ESR1: variants seen among roughly 807,000 people sequenced by gnomAD.
ESR1 encodes the protein estrogen receptor 1, also known as estrogen receptor.
A neutral mutation model predicts 52.7 loss-of-function variants in ESR1; 12 were observed. The observed-to-expected ratio is 0.23, with a 90% CI of 0.15 to 0.37. The LOEUF (loss-of-function observed/expected upper bound fraction) is 0.37, where lower values mean the gene tolerates loss of function less well. Among genes scored for constraint, ESR1 ranks in the 10% least tolerant of loss-of-function variants. The probability of loss-of-function intolerance (pLI) is 1.00; values close to 1 mark genes in which losing one functional copy is unlikely to be tolerated. For synonymous variants in ESR1, 305 were observed against 316.8 expected, an observed-to-expected ratio of 0.96 and a Z score of 0.39; for missense variants, 584 against 779.7, an observed-to-expected ratio of 0.75 and a Z score of 2.99.
chr6:151,705,157 C>G (rs1780093965), intron 2 of ESR1, among the ~76,000 whole-genome samples: 1 of 152,058 alleles, frequency 6.6e-6, no homozygotes, highest in African/African-American at 2.4e-5. Context: ...CTTAATAGAG[C>G]TGACAGATTA....
At chr6:151,739,849 C>T (rs1016031884) in intron 2 of ESR1, among the ~76,000 whole-genome samples, 5 of 152,144 alleles carry the variant, frequency 3.3e-5, no homozygotes, top group South Asian at 2.1e-4. Flanking sequence ...GCATTCTGGC[C>T]GCAGTCTTCT....
intron 5 of ESR1, among the ~76,000 whole-genome samples, chr6:152,024,432 A>G (rs1267615672): frequency 6.6e-6 from 1 of 151,842 alleles, no homozygotes; most frequent in Non-Finnish European, 1.5e-5. Flanking sequence ...TGATAATTTT[A>G]TTGAAATTAT....
At chr6:151,734,948 T>C (rs909836030) in intron 2 of ESR1, among the ~76,000 whole-genome samples, 1 of 152,104 alleles carries the variant, frequency 6.6e-6, no homozygotes, top group Non-Finnish European at 1.5e-5. Flanking sequence ...TAAAAAAATG[T>C]GAAAACTGAA....
chr6:152,119,693 T>C (rs868411760), intron 6 of ESR1, among the ~76,000 whole-genome samples: 3 of 152,214 alleles, frequency 2.0e-5, no homozygotes, highest in African/African-American at 7.2e-5. Context: ...TCAGCAGCCA[T>C]CAGTGTCCTT....
chr6:152,113,297 C>A (rs909751632), intron 6 of ESR1, among the ~76,000 whole-genome samples: 1 of 152,200 alleles, frequency 6.6e-6, no homozygotes, highest in Non-Finnish European at 1.5e-5. Context: ...AATTCCCTGA[C>A]CTTTGTCAGG....
At chr6:152,093,330 ATCTCTCTC>A (rs34340611) in intron 6 of ESR1, among the ~76,000 whole-genome samples, 2 of 125,890 alleles carry the variant, frequency 1.6e-5, no homozygotes, top group Non-Finnish European at 3.4e-5. Flanking sequence ...TACTACCTGG[ATCTCTCTC>A]TCTCTCTCTC....
chr6:151,795,011 T>C (rs1776552908), intron 2 of ESR1, among the ~76,000 whole-genome samples: 1 of 152,162 alleles, frequency 6.6e-6, no homozygotes, highest in Non-Finnish European at 1.5e-5. Flanking sequence ...CCGGGAATTG[T>C]CAACTATGGT....
chr6:151,779,419 G>GA (rs574384955), intron 2 of ESR1, among the ~76,000 whole-genome samples: 21 of 152,042 alleles, frequency 1.4e-4, no homozygotes, highest in Non-Finnish European at 2.4e-4. Flanking sequence ...ACAAACATAT[G>GA]AAAAAAACCT....
At chr6:152,045,207 G>A (rs1324523881) in intron 5 of ESR1, among the ~76,000 whole-genome samples, 3 of 152,176 alleles carry the variant, frequency 2.0e-5, no homozygotes, top group Non-Finnish European at 2.9e-5. Context: ...CAGGGGCATG[G>A]GAAGAAGATG....
At chr6:151,878,851 G>A (rs1387940929) in intron 2 of ESR1, among the ~76,000 whole-genome samples, 4 of 152,120 alleles carry the variant, frequency 2.6e-5, no homozygotes, top group African/African-American at 9.7e-5. Context: ...TTAATATTCT[G>A]CTCCCTATAA....
chr6:152,005,043 C>T (rs1019602596), intron 4 of ESR1, among the ~76,000 whole-genome samples: 20 of 152,030 alleles, frequency 1.3e-4, no homozygotes, highest in East Asian at 5.8e-4. Flanking sequence ...TTTCCCAAGG[C>T]AAGTAGTCAC....
At chr6:151,818,901 C>T (rs1195563533) in intron 1 of ESR1, among the ~76,000 whole-genome samples, 2 of 151,996 alleles carry the variant, frequency 1.3e-5, no homozygotes, top group Non-Finnish European at 2.9e-5. Context: ...CTGGTTCTTC[C>T]TCTGCATAAA....
rs1302537929 is a variant in ESR1, at chr6:152,099,194, T to C, written c.*228T>C. ...TCCAAGGCTAAATCTTTGTAACAGC[T>C]CTCTTTCCCCCTTGCTATGTTACTA... On this transcript the variant is annotated 3_prime_UTR_variant, in exon 8 of 8. Transcript: ENST00000206249. 1 of 582,524 alleles carries C rather than the reference T, an allele frequency of 1.7e-6. No individual in the cohort carries two copies. Among genetic ancestry groups the C allele is most frequent in the Non-Finnish European group, 3.1e-6 (1 of 321,840 alleles). The allele number at this position is 582,524 out of a possible 1,614,324, so 36.1% of individuals were successfully genotyped here. A position where few individuals can be genotyped will look rare whatever the true frequency, so the allele number is the denominator to read the frequency against.
intron 4 of ESR1, among the ~76,000 whole-genome samples, chr6:151,949,801 T>C (rs183082623): frequency 4.0e-4 from 61 of 152,382 alleles, no homozygotes; most frequent in Non-Finnish European, 8.1e-4. Flanking sequence ...TCATAGATGC[T>C]TATTGGCCTG....
intron 3 of ESR1, among the ~76,000 whole-genome samples, chr6:151,887,144 G>A (rs1039329565): frequency 4.6e-5 from 7 of 151,508 alleles, no homozygotes; most frequent in Non-Finnish European, 8.8e-5. Context: ...TTGGATTGCC[G>A]AATAATTGTG....
At chr6:151,780,450 A>G (rs894652203) in intron 2 of ESR1, among the ~76,000 whole-genome samples, 11 of 152,174 alleles carry the variant, frequency 7.2e-5, no homozygotes, top group Admixed American at 1.3e-4. Flanking sequence ...TTAACTCAGT[A>G]GTTCTCAATT....
In ESR1 at chr6:151,808,182, C is replaced by A; in HGVS notation, c.270C>A (p.Gly90=). 6.3e-7 allele frequency: 1 copy of A among 1,580,014 alleles called. No homozygotes were observed. The highest frequency in any genetic ancestry group is 8.6e-7 in the Non-Finnish European group (1 of 1,163,078). ...YGPGSEAAAF[G]SNGLGGFPPL... is the part of the protein sequence containing the mutation. The stretch of plus-strand genomic sequence containing the variant: ...CCGGGTCTGAGGCTGCGGCGTTCGG[C>A]TCCAACGGCCTGGGGGGTTTCCCCC... Residue 90 remains glycine, a synonymous_variant, in exon 1 of 8, where the codon GGC becomes GGA. Transcript: ENST00000206249.
At chr6:151,722,244 C>T (rs1242090931) in intron 2 of ESR1, among the ~76,000 whole-genome samples, 5 of 152,138 alleles carry the variant, frequency 3.3e-5, no homozygotes, top group Admixed American at 6.5e-5. Flanking sequence ...TTGTGTGCAC[C>T]GATGGTGGAA....
chr6:151,915,450 A>G (rs936137294), intron 3 of ESR1, among the ~76,000 whole-genome samples: 3 of 152,154 alleles, frequency 2.0e-5, no homozygotes, highest in African/African-American at 7.2e-5. Context: ...TTTCATTCTG[A>G]TTCTTACCAT....
Sources: allele counts gnomAD v4.1 joint callset (sites outside exome capture counted in the v4.1 genomes callset), GRCh38; gene constraint gnomAD v4.1.1; transcripts MANE v1.5; gene names NCBI Gene and HGNC (gene_info 2026-07-23, HGNC 2026-07-21).